The following MACROD2 variants were observed in gnomAD, a reference collection of about 807,000 sequenced individuals.
The protein encoded by MACROD2 is mono-ADP ribosylhydrolase 2, also known as ADP-ribose glycohydrolase MACROD2.
MACROD2 carries 36 observed loss-of-function variants against 70.4 expected under a neutral mutation model. The ratio of observed to expected loss-of-function variants is 0.51; its 90% CI spans 0.39 to 0.68. The LOEUF is 0.68. Among genes scored for constraint, MACROD2 ranks in the 30% least tolerant of loss-of-function variants. MACROD2 has a pLI of 0.00. For synonymous variants in MACROD2, 172 were observed against 178.8 expected (o/e 0.96, Z 0.30); for missense variants, 496 against 538.4 (o/e 0.92, Z 0.78).
At position 14,438,243 on chromosome 20, in the gene MACROD2, G is replaced by T. The variant is rs115757341; in HGVS notation, c.272-55236G>T. Among the ~76,000 whole-genome samples, 365 of 152,172 alleles carry T rather than the reference G, an allele frequency of 2.4e-3. 1 individual carries two copies. The highest frequency in any genetic ancestry group is 8.4e-3 in the African/African-American group (348 of 41,514). On this transcript the variant is annotated intron_variant, in intron 3 of 17. Coordinates refer to ENST00000684519, the MANE Select transcript of MACROD2 (RefSeq NM_001351661.2). ...CTATCCATGCTGTAGCAAATGATAGGATCTCCTCCCTTCTTTAAGGCAGAA... is the reference window on the plus strand; with the variant it reads ...CTATCCATGCTGTAGCAAATGATAGTATCTCCTCCCTTCTTTAAGGCAGAA...
In MACROD2 at chr20:14,119,895, T is replaced by C. The variant is rs1428843714; in HGVS notation, c.271+34167T>C. 2.6e-5 allele frequency among the ~76,000 whole-genome samples: 4 copies of C among 152,028 alleles called. No homozygotes were observed. The East Asian group carries it at 5.8e-4, about 22-fold the overall frequency. ...AACAACCCCATCTAGGCAAAGGATA[T>C]GAACAGACACTTCTCGAAAGAAGAC... is the stretch of plus-strand genomic sequence containing the variant. On this transcript the variant is annotated intron_variant, in intron 3 of 17. Coordinates refer to ENST00000684519, the MANE Select transcript of MACROD2 (RefSeq NM_001351661.2).
chr20:15,673,476 C>G (rs1237381934), intron 8 of MACROD2, among the ~76,000 whole-genome samples: 1 of 152,178 alleles, frequency 6.6e-6, no homozygotes, highest in East Asian at 1.9e-4. Context: ...TATGAACCCT[C>G]AGTTCCACTA....
intron 5 of MACROD2, among the ~76,000 whole-genome samples, chr20:15,003,195 G>T (rs112571736): frequency 2.2e-4 from 34 of 152,254 alleles, no homozygotes; most frequent in African/African-American, 8.2e-4. Flanking sequence ...ATGCTTCTAA[G>T]GGCTGTTTTT....
chr20:14,220,990 G>A (rs545397065), intron 3 of MACROD2, among the ~76,000 whole-genome samples: 142 of 152,256 alleles, frequency 9.3e-4, no homozygotes, highest in Admixed American at 1.6e-3. Flanking sequence ...GCGAGGTGCC[G>A]CCCACTGCTC....
intron 4 of MACROD2, among the ~76,000 whole-genome samples, chr20:14,514,255 A>C (rs1279408769): frequency 1.3e-5 from 2 of 152,170 alleles, no homozygotes; most frequent in African/African-American, 4.8e-5. Context: ...AATTATCGCC[A>C]AGAAGCCCTT....
intron 4 of MACROD2, among the ~76,000 whole-genome samples, chr20:14,619,143 G>C (rs1363237644): frequency 6.6e-6 from 1 of 151,830 alleles, no homozygotes; most frequent in African/African-American, 2.4e-5. Flanking sequence ...TCTTCAGAAA[G>C]TAACAAGGTG....
At chr20:14,903,071 C>T (rs1186647705) in intron 5 of MACROD2, among the ~76,000 whole-genome samples, 6 of 92,626 alleles carry the variant, frequency 6.5e-5, no homozygotes, top group Admixed American at 1.5e-4. Flanking sequence ...GACATAGTTT[C>T]GCTCTTGTTG....
intron 2 of MACROD2, among the ~76,000 whole-genome samples, chr20:14,007,407 C>A (rs992010276): frequency 6.6e-6 from 1 of 152,100 alleles, no homozygotes; most frequent in African/African-American, 2.4e-5. Flanking sequence ...CCTCCCTCTT[C>A]CTCCCTCTCA....
chr20:14,565,652 C>G (rs376325397), intron 4 of MACROD2, among the ~76,000 whole-genome samples: 9 of 151,928 alleles, frequency 5.9e-5, no homozygotes, highest in South Asian at 4.1e-4. Flanking sequence ...ACAGTGCTAA[C>G]GTAACAATGT....
intron 5 of MACROD2, among the ~76,000 whole-genome samples, chr20:14,719,473 G>GAAAAAAAAAAAAAGAAAGAAAAAAAA (rs2071437623): frequency 7.3e-6 from 1 of 136,322 alleles, no homozygotes. Context: ...AAGATAGAAA[G>GAAAAAAAAAAAAAGAAAGAAAAAAAA]AAAAAAAAAA....
At chr20:15,652,831 C>A (rs1600715934) in intron 8 of MACROD2, among the ~76,000 whole-genome samples, 1 of 151,884 alleles carries the variant, frequency 6.6e-6, no homozygotes, top group East Asian at 1.9e-4. Context: ...TGCTGTCTTC[C>A]ACAGGGTTGG....
chr20:14,651,468 T>C (rs992882645), intron 4 of MACROD2, among the ~76,000 whole-genome samples: 2 of 152,134 alleles, frequency 1.3e-5, no homozygotes, highest in African/African-American at 4.8e-5. Flanking sequence ...TCCCAAATCC[T>C]TGGTGATCAA....
At chr20:14,839,912 T>C (rs931317076) in intron 5 of MACROD2, among the ~76,000 whole-genome samples, 4 of 152,144 alleles carry the variant, frequency 2.6e-5, no homozygotes, top group African/African-American at 9.7e-5. Flanking sequence ...TTTTCTCAAA[T>C]TGGAAAGGGG....
intron 3 of MACROD2, among the ~76,000 whole-genome samples, chr20:14,398,894 C>T (rs2083607828): frequency 6.6e-6 from 1 of 151,882 alleles, no homozygotes; most frequent in Admixed American, 6.6e-5. Context: ...TTTTATATTC[C>T]TTTTTTTAAA....
intron 3 of MACROD2, among the ~76,000 whole-genome samples, chr20:14,474,437 T>G (rs956607523): frequency 2.0e-5 from 3 of 152,196 alleles, no homozygotes; most frequent in Non-Finnish European, 2.9e-5. Flanking sequence ...TTGAGAAGAA[T>G]GTATATTCTA....
chr20:14,951,020 G>C (rs748800149), intron 5 of MACROD2, among the ~76,000 whole-genome samples: 6 of 152,090 alleles, frequency 3.9e-5, no homozygotes, highest in Non-Finnish European at 7.4e-5. Flanking sequence ...TTAATATGTA[G>C]AGAACCAAGG....
intron 5 of MACROD2, chr20:14,893,984 C>T (rs907357758): frequency 6.6e-6 from 1 of 151,860 alleles, no homozygotes; most frequent in African/African-American, 2.4e-5. Flanking sequence ...TAGGGACTCA[C>T]CATCTCGCCC....
chr20:16,002,672 G>A (rs2066726835), intron 15 of MACROD2, among the ~76,000 whole-genome samples: 1 of 152,116 alleles, frequency 6.6e-6, no homozygotes, highest in African/African-American at 2.4e-5. Flanking sequence ...CCTCAAGAAG[G>A]AACATAGCTC....
At chr20:14,313,664 AC>A (rs2082587953) in intron 3 of MACROD2, among the ~76,000 whole-genome samples, 1 of 152,154 alleles carries the variant, frequency 6.6e-6, no homozygotes, top group South Asian at 2.1e-4. Context: ...TCACTCTTAG[AC>A]CTAATCCTTT....
Sources: allele counts gnomAD v4.1 joint callset (sites outside exome capture counted in the v4.1 genomes callset), GRCh38; gene constraint gnomAD v4.1.1; transcripts MANE v1.5; gene names NCBI Gene and HGNC (gene_info 2026-07-23, HGNC 2026-07-21).